TFCP2: variants seen among roughly 807,000 people sequenced by gnomAD.
TFCP2 encodes alpha-globin transcription factor CP2.
TFCP2 carries 33 observed loss-of-function variants against 73.4 expected under a neutral mutation model. That is an observed-to-expected ratio of 0.45 (90% CI 0.34 to 0.60). The LOEUF is 0.60. Ranked by LOEUF, TFCP2 falls within the 20% of genes least tolerant of loss-of-function variation. The pLI is 0.01. For missense variants in TFCP2, 352 were observed against 604.0 expected (o/e 0.58, Z 4.37); for synonymous variants, 193 against 211.6 (o/e 0.91, Z 0.76).
At chr12:51,095,337 GA>G (rs1487650236) in intron 14 of TFCP2, 59 bp from the exon 15 acceptor site, 2 of 1,562,756 alleles carry the variant, frequency 1.3e-6, no homozygotes, top group African/African-American at 1.4e-5. Flanking sequence ...CACAGCAGGA[GA>G]AAAAAAGTAT....
chr12:51,162,589 C>A (rs982397954), intron 1 of TFCP2, among the ~76,000 whole-genome samples: 3 of 152,092 alleles, frequency 2.0e-5, no homozygotes, highest in Admixed American at 1.3e-4. Flanking sequence ...CACTTAAAAT[C>A]AACTCTACTC....
chr12:51,119,436 A>C (rs187641522), intron 1 of TFCP2, among the ~76,000 whole-genome samples: 1 of 152,356 alleles, frequency 6.6e-6, no homozygotes, highest in East Asian at 1.9e-4. Context: ...GTTTAGGAAA[A>C]GGTTTGGCAG....
intron 1 of TFCP2, among the ~76,000 whole-genome samples, chr12:51,151,150 G>A (rs1441322885): frequency 6.6e-6 from 1 of 152,190 alleles, no homozygotes; most frequent in Non-Finnish European, 1.5e-5. Context: ...AAGACACTGA[G>A]GTGAGACTGG....
chr12:51,134,798 T>C (rs913912555), intron 1 of TFCP2, among the ~76,000 whole-genome samples: 2 of 152,220 alleles, frequency 1.3e-5, no homozygotes, highest in Admixed American at 6.5e-5. Flanking sequence ...AGGAATAATA[T>C]CTACTTAAAT....
intron 1 of TFCP2, among the ~76,000 whole-genome samples, chr12:51,150,495 T>C (rs1269788218): frequency 6.6e-6 from 1 of 152,076 alleles, no homozygotes; most frequent in African/African-American, 2.4e-5. Flanking sequence ...TAAAAAGTAA[T>C]GGATAACGTT....
chr12:51,165,248 A>C (rs1941732477), intron 1 of TFCP2, among the ~76,000 whole-genome samples: 1 of 152,156 alleles, frequency 6.6e-6, no homozygotes, highest in Non-Finnish European at 1.5e-5. Context: ...TATAGAAATA[A>C]AAATCCTCAA....
At chr12:51,154,381 A>G (rs1017784782) in intron 1 of TFCP2, among the ~76,000 whole-genome samples, 1 of 152,218 alleles carries the variant, frequency 6.6e-6, no homozygotes, top group African/African-American at 2.4e-5. Context: ...ATAAAACTAT[A>G]ACAATATATG....
intron 1 of TFCP2, chr12:51,125,119 C>G (rs1207113326): frequency 1.3e-6 from 1 of 750,856 alleles, no homozygotes; most frequent in African/African-American, 1.7e-5. Flanking sequence ...TGGCTAGCAA[C>G]AGGCTGGAAG....
chr12:51,137,379 A>G (rs1941084224), intron 1 of TFCP2, among the ~76,000 whole-genome samples: 1 of 152,100 alleles, frequency 6.6e-6, no homozygotes, highest in African/African-American at 2.4e-5. Flanking sequence ...TGCTAACCTT[A>G]TTTATTTTGG....
At chr12:51,157,104 C>CT (rs1481414348) in intron 1 of TFCP2, 1 of 151,910 alleles carries the variant, frequency 6.6e-6, no homozygotes, top group Non-Finnish European at 1.5e-5. Context: ...CAACCTCTAC[C>CT]TCCCAGGTTC....
intron 7 of TFCP2, 164 bp downstream of exon 7, chr12:51,107,072 C>T: frequency 3.0e-6 from 2 of 660,842 alleles, no homozygotes; most frequent in Non-Finnish European, 5.3e-6. Flanking sequence ...TGGTTCGTGC[C>T]AAATTCTAAA....
chr12:51,099,646 AC>A lies in TFCP2; in HGVS notation c.1276+8del. The A allele has an allele frequency of 6.2e-7, 1 of 1,614,160 alleles. No individual in the cohort carries two copies. Among genetic ancestry groups the A allele is most frequent in the East Asian group, 2.2e-5 (1 of 44,892 alleles). On this transcript the variant is annotated splice_region_variant and intron_variant, in intron 12 of 14. Transcript: ENST00000257915. ...TCATATCTGTCCTAGTGTGTCCAGAACAACCTACCGAAGAAAGTACCATTTG... is the reference window on the plus strand; with the variant it reads ...TCATATCTGTCCTAGTGTGTCCAGAAAACCTACCGAAGAAAGTACCATTTG...
intron 1 of TFCP2, among the ~76,000 whole-genome samples, chr12:51,150,775 T>A (rs1464244815): frequency 2.0e-5 from 3 of 152,230 alleles, no homozygotes; most frequent in Non-Finnish European, 4.4e-5. Context: ...CAGGAACTGC[T>A]ATAGTACTTG....
chr12:51,100,891 G>C (rs1940095323), intron 11 of TFCP2, among the ~76,000 whole-genome samples: 1 of 152,204 alleles, frequency 6.6e-6, no homozygotes, highest in South Asian at 2.1e-4. Context: ...CACTGATTTA[G>C]TTCTGTTGCC....
rs1939929949 is a variant in TFCP2 at position 51,095,349 on chromosome 12, G to A, written c.1472-71C>T. On this transcript the variant is annotated intron_variant, in intron 14 of 14. Transcript: ENST00000257915. ...AAACACAGCAGGAGAAAAAAAGTAT[G>A]GTAAGATTCTCGTGAGAAGGGGAGA... The A allele has an allele frequency of 3.4e-5, 52 of 1,525,178 alleles. 1 individual carries two copies. In the South Asian group the frequency reaches 5.1e-4, roughly 15 times the overall value. The allele number at this position is 1,525,178 out of a possible 1,614,324, so 94.5% of individuals were successfully genotyped here. A position where few individuals can be genotyped will look rare whatever the true frequency, so the allele number is the denominator to read the frequency against.
At chr12:51,138,500 G>T (rs1251771878) in intron 1 of TFCP2, among the ~76,000 whole-genome samples, 1 of 151,996 alleles carries the variant, frequency 6.6e-6, no homozygotes, top group Non-Finnish European at 1.5e-5. Flanking sequence ...TGACTTTCAG[G>T]AAAATCCTGA....
Position 51,157,989 on chromosome 12 carries a change from T to C in TFCP2, c.122+14312A>G, listed in dbSNP as rs186372986. 2.7e-3 allele frequency among the ~76,000 whole-genome samples: 414 copies of C among 152,112 alleles called. 1 individual carries two copies. Among genetic ancestry groups the C allele is most frequent in the Middle Eastern group, 0.024 (7 of 294 alleles). ...CACTGCACCCGACCCATTTTAATTT[T>C]TTTTTCCACTATAATCTTAATTTTT... On this transcript the variant is annotated intron_variant, in intron 1 of 14. Coordinates refer to ENST00000257915, the MANE Select transcript of TFCP2 (RefSeq NM_005653.5).
intron 1 of TFCP2, among the ~76,000 whole-genome samples, chr12:51,148,699 C>CAAAAAAA (rs140565414): frequency 1.1e-4 from 11 of 100,110 alleles, no homozygotes; most frequent in Non-Finnish European, 1.6e-4. Context: ...GACTCTGTCT[C>CAAAAAAA]AAAAAAAAAA....
intron 1 of TFCP2, among the ~76,000 whole-genome samples, chr12:51,142,723 G>A (rs779330783): frequency 2.6e-5 from 4 of 151,980 alleles, no homozygotes; most frequent in Non-Finnish European, 2.9e-5. Context: ...TCCCACATCC[G>A]CCTTCAACTA....
Sources: gnomAD v4.1 joint callset for allele counts (sites outside exome capture counted in the v4.1 genomes callset) on GRCh38, gnomAD v4.1.1 for gene constraint, MANE v1.5 for transcripts, NCBI Gene and HGNC (gene_info 2026-07-23, HGNC 2026-07-21) for gene names.